The following SETX variants were observed in gnomAD, a reference collection of about 807,000 sequenced individuals.
The protein encoded by SETX is helicase senataxin.
Under a neutral mutation model 227.2 loss-of-function variants are expected in SETX, and 90 were observed. The ratio of observed to expected loss-of-function variants is 0.40; its 90% confidence interval spans 0.33 to 0.47. SETX has a LOEUF of 0.47. Ranked by LOEUF, SETX falls within the 20% of genes least tolerant of loss-of-function variation. SETX has a pLI of 0.91. For synonymous variants in SETX, 1,210 were observed against 1,113.2 expected (o/e 1.09, Z -1.73); for missense variants, 3,052 against 3,181.5 (o/e 0.96, Z 0.98).
chr9:132,273,815 T>C (rs1388056627), intron 23 of SETX, among the ~76,000 whole-genome samples: 4 of 152,200 alleles, frequency 2.6e-5, no homozygotes, highest in Non-Finnish European at 5.9e-5. Context: ...CTGCTCTGGC[T>C]AAAACCTCTA....
Position 132,329,254 on chromosome 9 carries a change from C to T in SETX, c.2344G>A (p.Val782Ile). 1 of 1,613,784 alleles carries T rather than the reference C, an allele frequency of 6.2e-7. No homozygotes were observed. The highest frequency in any genetic ancestry group is 8.5e-7 in the Non-Finnish European group (1 of 1,179,928). ...LAKTSKRKTK[V>I]QKDEICAKLS... ...TTTGCACAGATTTCATCTTTCTGTA[C>T]CTTAGTTTTTCGTTTTGAGGTTTTA... is the stretch of plus-strand genomic sequence containing the variant. The change falls in exon 10 of 26, where the codon GTA becomes ATA. Residue 782 changes from valine (V) to isoleucine (I), a missense_variant. Physicochemically the swap from Val to Ile is conservative, Grantham distance 29. Around this residue, in one of 10 missense-constraint regions of SETX, gnomAD observed 1,483 missense variants for 1,312.0 expected, o/e 1.13. Coordinates refer to ENST00000224140, the MANE Select transcript of SETX (RefSeq NM_015046.7).
intron 3 of SETX, among the ~76,000 whole-genome samples, chr9:132,348,934 A>G (rs1178527810): frequency 1.3e-5 from 2 of 152,100 alleles, no homozygotes; most frequent in Non-Finnish European, 2.9e-5. Flanking sequence ...TGTCTCCAAA[A>G]CATAGCAAAA....
At chr9:132,317,479 T>A (rs1468512252) in intron 10 of SETX, among the ~76,000 whole-genome samples, 1 of 152,240 alleles carries the variant, frequency 6.6e-6, no homozygotes, top group African/African-American at 2.4e-5. Context: ...ACATACATGT[T>A]CACAATCAAT....
At chr9:132,314,901 ATTGTGT>A (rs1325943382) in intron 10 of SETX, among the ~76,000 whole-genome samples, 48 of 109,970 alleles carry the variant, frequency 4.4e-4, no homozygotes, top group African/African-American at 1.6e-3. Context: ...TTATTATTTT[ATTGTGT>A]TTTTTTTTTT....
chr9:132,296,084 C>G (rs1844653891), intron 14 of SETX, 56 bp from the exon 15 acceptor site: 1 of 1,592,054 alleles, frequency 6.3e-7, no homozygotes, highest in Admixed American at 1.7e-5. Flanking sequence ...TGGGTGAGCT[C>G]TATTACATAG....
At chr9:132,283,046 C>T (rs1257863199) in intron 19 of SETX, 26 of 574,762 alleles carry the variant, frequency 4.5e-5, no homozygotes, top group Admixed American at 2.9e-5. Context: ...AACCATCAGT[C>T]ATCCTCAAGA....
chr9:132,300,609 A>G, intron 12 of SETX, 21 bp downstream of exon 12: 1 of 1,611,836 alleles, frequency 6.2e-7, no homozygotes, highest in East Asian at 2.2e-5. Context: ...ATTTCCTGTC[A>G]ATGCCTCATT....
intron 15 of SETX, among the ~76,000 whole-genome samples, chr9:132,289,062 C>A (rs1234283823): frequency 2.0e-5 from 3 of 152,084 alleles, no homozygotes; most frequent in African/African-American, 7.2e-5. Context: ...CCTGCATAAA[C>A]CAGCCATAAA....
intron 10 of SETX, among the ~76,000 whole-genome samples, chr9:132,316,576 T>C (rs1276508946): frequency 6.6e-6 from 1 of 152,242 alleles, no homozygotes; most frequent in Admixed American, 6.5e-5. Flanking sequence ...CAAACATATG[T>C]GATTTAACCA....
chr9:132,311,821 C>T lies in SETX; in HGVS notation c.5310G>A (p.Glu1770=). The T allele has an allele frequency of 6.2e-7, 1 of 1,613,594 alleles. No homozygotes were observed. The highest frequency in any genetic ancestry group is 8.5e-7 in the Non-Finnish European group (1 of 1,179,792). ...TTCGTACTTGCAACTGATAGAAATT[C>T]TCTCTATTTGGAGAGTTGAGCCATT... ...AQEWLNSPNR[E]NFYQLQVRKF... is the part of the protein sequence containing the mutation. Residue 1770 remains glutamate, a synonymous_variant, in exon 11 of 26, where the codon GAG becomes GAA. Coordinates refer to ENST00000224140, the MANE Select transcript of SETX (RefSeq NM_015046.7).
chr9:132,335,113 G>A (rs575919866), intron 6 of SETX, among the ~76,000 whole-genome samples: 28 of 152,070 alleles, frequency 1.8e-4, no homozygotes, highest in South Asian at 6.2e-4. Context: ...TTTTGAGGCC[G>A]GGCGTGGTGG....
chr9:132,305,150 C>A (rs1480709097), intron 11 of SETX, among the ~76,000 whole-genome samples: 1 of 151,494 alleles, frequency 6.6e-6, no homozygotes, highest in Non-Finnish European at 1.5e-5. Flanking sequence ...GTTAGGAGAT[C>A]AAGACCATCC....
Position 132,311,013 on chromosome 9 carries a change from C to T in SETX, c.5374+744G>A, listed in dbSNP as rs1277903843. Among the ~76,000 whole-genome samples the T allele has an allele frequency of 3.3e-5, 5 of 152,172 alleles. No individual in the cohort carries two copies. The East Asian group carries it at 9.6e-4, about 29-fold the overall frequency. ...TTTTTGAGACAGTCTCTGTGCCAGG[C>T]TGGAGTGCAGTGGCGCTATTTCGGC... On this transcript the variant is annotated intron_variant, in intron 11 of 25. Coordinates refer to ENST00000224140, the MANE Select transcript of SETX (RefSeq NM_015046.7).
rs1323126988 is a variant in SETX at position 132,349,361 on chromosome 9, G to A, written c.68C>T (p.Ser23Phe). The stretch of plus-strand genomic sequence containing the variant: ...TTGAAATTCACCGGACGGAGTGTTG[G>A]AAGCATAGCGCTTTAGGAAGTCAAT... ...STIDFLKRYA[S>F]NTPSGEFQTA... Residue 23 changes from serine (S) to phenylalanine (F), a missense_variant, in exon 3 of 26, where the codon TCC (serine) becomes TTC (phenylalanine). This residue lies in a region of SETX where 152 missense variants were observed against 156.2 expected (regional missense o/e 0.97). Transcript: ENST00000224140. 18 of 1,614,186 alleles carry A rather than the reference G, an allele frequency of 1.1e-5. No homozygotes were observed. The highest frequency in any genetic ancestry group is 1.4e-5 in the Non-Finnish European group (17 of 1,180,040).
chr9:132,280,134 C>T (rs917757318), intron 20 of SETX, among the ~76,000 whole-genome samples: 20 of 152,108 alleles, frequency 1.3e-4, no homozygotes, highest in Non-Finnish European at 2.8e-4. Context: ...CACACAAATG[C>T]CTAGCAATAT....
At chr9:132,288,943 T>C (rs1159021507) in intron 15 of SETX, among the ~76,000 whole-genome samples, 1 of 152,188 alleles carries the variant, frequency 6.6e-6, no homozygotes, top group Non-Finnish European at 1.5e-5. Context: ...CAGTAACATT[T>C]TCAAACTATG....
At chr9:132,351,138 A>C (rs962667070) in intron 2 of SETX, among the ~76,000 whole-genome samples, 2 of 152,202 alleles carry the variant, frequency 1.3e-5, no homozygotes, top group Admixed American at 1.3e-4. Context: ...GTAAGTTAAC[A>C]GCTTGCAGAA....
chr9:132,315,725 C>T (rs531503542), intron 10 of SETX, among the ~76,000 whole-genome samples: 2 of 152,298 alleles, frequency 1.3e-5, no homozygotes, highest in South Asian at 4.1e-4. Context: ...TCAATGATGA[C>T]CTCCTTGCTG....
Position 132,264,945 on chromosome 9 carries a change from T to G in SETX, c.7328A>C (p.Lys2443Thr), listed in dbSNP as rs769963000. The G allele has an allele frequency of 6.2e-7, 1 of 1,614,100 alleles. No homozygotes were observed. The highest frequency in any genetic ancestry group is 1.3e-5 in the African/African-American group (1 of 75,034). ...ACAGGTCTTAATAATGGCACCACGC[T>G]TCTGAGCATCCTGAATCAGCTGATT... ...HWNQLIQDAQ[K>T]RGAIIKTCDK... Residue 2443 changes from lysine (K) to threonine (T), a missense_variant, in exon 26 of 26, where the codon AAG (lysine) becomes ACG (threonine). Physicochemically the swap from Lys to Thr is moderately conservative, Grantham distance 78 (BLOSUM62 -1). Around this residue, in one of 10 missense-constraint regions of SETX, gnomAD observed 412 missense variants for 589.0 expected, o/e 0.70. Transcript: ENST00000224140.
Sources: gnomAD v4.1 joint callset for allele counts (sites outside exome capture counted in the v4.1 genomes callset) on GRCh38, gnomAD v4.1.1 for gene constraint, gnomAD v4.1.1 regional missense constraint, MANE v1.5 for transcripts, NCBI Gene and HGNC (gene_info 2026-07-23, HGNC 2026-07-21) for gene names.